SLC44A3: variants seen among roughly 807,000 people sequenced by gnomAD.
SLC44A3 encodes the protein solute carrier family 44 member 3, also known as choline transporter-like protein 3.
SLC44A3 carries 74 observed loss-of-function variants against 75.4 expected under a neutral mutation model. The ratio of observed to expected loss-of-function variants is 0.98; its 90% CI spans 0.81 to 1.19. SLC44A3 has a LOEUF of 1.19. Ranked by LOEUF, SLC44A3 falls within the 50% of genes most tolerant of loss-of-function variation. SLC44A3 has a pLI of 0.00. For missense variants in SLC44A3, 700 were observed against 778.6 expected, an observed-to-expected ratio of 0.90 and a Z score of 1.20; for synonymous variants, 310 against 296.9, an observed-to-expected ratio of 1.04 and a Z score of -0.45.
At chr1:94,854,650 C>G (rs554684464) in intron 9 of SLC44A3, among the ~76,000 whole-genome samples, 41 of 152,238 alleles carry the variant, frequency 2.7e-4, no homozygotes, top group Non-Finnish European at 5.3e-4. Context: ...CTAGATCCAA[C>G]CTGTTTCCCG....
Position 94,837,734 on chromosome 1 carries a change from G to T in SLC44A3, c.533G>T (p.Arg178Leu), listed in dbSNP as rs140889980. ...AGCAAGTCATTTCCCTTATTTAACC[G>T]ATGTGTCCCTCAAACACCTGAGTGC... ...PPSKSFPLFNRCVPQTPECYS... is the reference protein window; with the variant it reads ...PPSKSFPLFNLCVPQTPECYS... Residue 178 changes from arginine to leucine, a missense_variant, in exon 6 of 15, where the codon CGA becomes CTA. Coordinates refer to ENST00000271227, the MANE Select transcript of SLC44A3 (RefSeq NM_001114106.3). The T allele has an allele frequency of 3.2e-6, 5 of 1,582,910 alleles. No homozygotes were observed. Among genetic ancestry groups the T allele is most frequent in the African/African-American group, 1.4e-5 (1 of 73,402 alleles).
intron 5 of SLC44A3, among the ~76,000 whole-genome samples, chr1:94,830,518 T>A (rs1782395): frequency 0.52 from 79,199 of 151,732 alleles, 20,830 homozygotes; most frequent in East Asian, 0.69. Flanking sequence ...GCCTATAATA[T>A]CTTATTTTTA....
intron 10 of SLC44A3, among the ~76,000 whole-genome samples, chr1:94,859,134 G>C (rs567400692): frequency 1.3e-5 from 2 of 152,198 alleles, no homozygotes; most frequent in African/African-American, 4.8e-5. Flanking sequence ...TTCCTCCCAG[G>C]TAGGGGAGCA....
At chr1:94,845,515 A>T in intron 9 of SLC44A3, 51 bp downstream of exon 9, 1 of 1,520,284 alleles carries the variant, frequency 6.6e-7, no homozygotes, top group Non-Finnish European at 8.8e-7. Context: ...TACACAGAAG[A>T]CCATTTTGGA....
intron 12 of SLC44A3, among the ~76,000 whole-genome samples, chr1:94,886,244 G>C (rs532343737): frequency 6.6e-6 from 1 of 152,178 alleles, no homozygotes; most frequent in Non-Finnish European, 1.5e-5. Context: ...GCAGAGCTTC[G>C]TGGCTCAGCA....
chr1:94,881,572 C>T (rs1428379455), intron 12 of SLC44A3, among the ~76,000 whole-genome samples: 6 of 149,758 alleles, frequency 4.0e-5, no homozygotes, highest in African/African-American at 2.5e-5. Flanking sequence ...GGCATGGTGG[C>T]GGGTGCCTGT....
At position 94,828,664 on chromosome 1, in the gene SLC44A3, G is replaced by A. The variant is rs375424161; in HGVS notation, c.509+78G>A. 1.9e-5 allele frequency: 25 copies of A among 1,302,062 alleles called. No homozygotes were observed. In the Middle Eastern group the frequency reaches 1.1e-3, roughly 59 times the overall value. 80.7% of individuals were successfully genotyped at this position (1,302,062 alleles called of 1,614,324 possible). A position where few individuals can be genotyped will look rare whatever the true frequency, so the allele number is the denominator to read the frequency against. ...TGGTGTGCATCTGTTACTCTTCTAG[G>A]CATTGTGGGAAGGAGATATCAGAAG... is the stretch of plus-strand genomic sequence containing the variant. On this transcript the variant is annotated intron_variant, in intron 5 of 14. Coordinates refer to ENST00000271227, the MANE Select transcript of SLC44A3 (RefSeq NM_001114106.3).
At chr1:94,893,064 A>C (rs1259039081) in intron 14 of SLC44A3, among the ~76,000 whole-genome samples, 1 of 152,214 alleles carries the variant, frequency 6.6e-6, no homozygotes, top group Admixed American at 6.5e-5. Flanking sequence ...CATACTGCTT[A>C]TATCTGGAAA....
chr1:94,866,189 T>C (rs966157565), intron 11 of SLC44A3, among the ~76,000 whole-genome samples: 13 of 152,138 alleles, frequency 8.5e-5, no homozygotes, highest in African/African-American at 2.9e-4. Flanking sequence ...ATTTGTGATA[T>C]GTGTGTGTGC....
At chr1:94,867,759 C>A (rs976484523) in intron 12 of SLC44A3, among the ~76,000 whole-genome samples, 1 of 152,166 alleles carries the variant, frequency 6.6e-6, no homozygotes, top group Non-Finnish European at 1.5e-5. Flanking sequence ...TTGTTCTTAG[C>A]TCCTGCCAGA....
At chr1:94,885,542 A>G (rs1669493864) in intron 12 of SLC44A3, among the ~76,000 whole-genome samples, 1 of 152,212 alleles carries the variant, frequency 6.6e-6, no homozygotes, top group African/African-American at 2.4e-5. Context: ...GGTGCATCTC[A>G]TGAGAACACC....
intron 12 of SLC44A3, among the ~76,000 whole-genome samples, chr1:94,869,086 G>A (rs533091374): frequency 3.3e-4 from 51 of 152,356 alleles, no homozygotes; most frequent in African/African-American, 1.1e-3. Context: ...TTTCATTTGA[G>A]GACAGGTCTC....
intron 11 of SLC44A3, 146 bp downstream of exon 11, chr1:94,865,045 C>G: frequency 1.5e-6 from 1 of 660,532 alleles, no homozygotes; most frequent in South Asian, 2.8e-5. Context: ...CAGCTCCCAT[C>G]CCCCGCCTCT....
At chr1:94,888,826 T>G in intron 12 of SLC44A3, 30 of 460,234 alleles carry the variant, frequency 6.5e-5, no homozygotes, top group South Asian at 9.3e-5. Flanking sequence ...GCTTCCCGGG[T>G]TCAAGCGTTT....
At chr1:94,832,607 C>G (rs927163532) in intron 5 of SLC44A3, among the ~76,000 whole-genome samples, 1 of 152,166 alleles carries the variant, frequency 6.6e-6, no homozygotes, top group Admixed American at 6.5e-5. Context: ...CCCAAGGCTT[C>G]TCTGGTAACT....
At chr1:94,840,146 G>A (rs1157737854) in intron 7 of SLC44A3, 109 bp downstream of exon 7, 6 of 896,818 alleles carry the variant, frequency 6.7e-6, no homozygotes, top group Non-Finnish European at 1.1e-5. Context: ...GTCTTAAAGA[G>A]TATCTAGCCC....
intron 12 of SLC44A3, among the ~76,000 whole-genome samples, chr1:94,868,400 G>A (rs924798777): frequency 6.6e-6 from 1 of 152,092 alleles, no homozygotes; most frequent in African/African-American, 2.4e-5. Context: ...ATTATTCAGG[G>A]AAAAATGTAG....
chr1:94,840,300 T>TTC (rs1387644221), intron 7 of SLC44A3, among the ~76,000 whole-genome samples: 1 of 142,812 alleles, frequency 7.0e-6, no homozygotes, highest in Non-Finnish European at 1.5e-5. Flanking sequence ...TTTTTTTTTT[T>TTC]TTTTTTTGAG....
intron 5 of SLC44A3, among the ~76,000 whole-genome samples, chr1:94,834,091 G>A (rs930111147): frequency 6.6e-6 from 1 of 152,168 alleles, no homozygotes; most frequent in Non-Finnish European, 1.5e-5. Context: ...AAACAATACA[G>A]TATAATGGTT....
Sources: allele counts gnomAD v4.1 joint callset (sites outside exome capture counted in the v4.1 genomes callset), GRCh38; gene constraint gnomAD v4.1.1; transcripts MANE v1.5; gene names NCBI Gene and HGNC (gene_info 2026-07-23, HGNC 2026-07-21).